PRDM6: variants seen among roughly 807,000 people sequenced by gnomAD.
The protein encoded by PRDM6 is putative histone-lysine N-methyltransferase PRDM6.
PRDM6 carries 25 observed loss-of-function variants against 60.8 expected under a neutral mutation model. That is an observed-to-expected ratio of 0.41 (90% CI 0.30 to 0.57). The LOEUF (loss-of-function observed/expected upper bound fraction) is 0.57, where lower values mean the gene tolerates loss of function less well. Among genes scored for constraint, PRDM6 ranks in the 20% least tolerant of loss-of-function variants. The pLI is 0.27. For synonymous variants in PRDM6, 407 were observed against 357.4 expected (o/e 1.14, Z -1.57); for missense variants, 839 against 821.3 (o/e 1.02, Z -0.26).
intron 5 of PRDM6, 115 bp from the exon 6 acceptor site, chr5:123,170,651 C>A: frequency 1.3e-6 from 1 of 788,308 alleles, no homozygotes; most frequent in Non-Finnish European, 2.0e-6. Context: ...AATTCTGAGT[C>A]CAGAAACACA....
chr5:123,138,817 AG>A, intron 3 of PRDM6, among the ~76,000 whole-genome samples: 1 of 152,338 alleles, frequency 6.6e-6, no homozygotes, highest in East Asian at 1.9e-4. Context: ...GAGAAGCAGC[AG>A]GGCCCTTCCT....
At position 123,193,944 on chromosome 5, in the gene PRDM6, C is replaced by G. The variant is rs1332252249; in HGVS notation, c.*6743C>G. ...TGGAGTTTGGAAAGCTTAAACAAGT[C>G]AGTTAAGAGAATGAGAAGAATCTCA... On this transcript the variant is annotated 3_prime_UTR_variant, in exon 8 of 8. Transcript: ENST00000407847. 1 of 152,060 alleles carries G rather than the reference C, an allele frequency of 6.6e-6. No homozygotes were observed. The highest frequency in any genetic ancestry group is 2.4e-5 in the African/African-American group (1 of 41,390). The allele number at this position is 152,060 out of a possible 1,614,324, so 9.4% of individuals were successfully genotyped here.
chr5:123,109,796 A>AC (rs1261012384), intron 3 of PRDM6, among the ~76,000 whole-genome samples: 1 of 152,178 alleles, frequency 6.6e-6, no homozygotes, highest in Non-Finnish European at 1.5e-5. Context: ...CAAAGAACCA[A>AC]CTTGCAAGAT....
chr5:123,099,867 A>G lies in PRDM6; in HGVS notation c.806A>G (p.Gln269Arg). 6.4e-7 allele frequency: 1 copy of G among 1,550,564 alleles called. No homozygotes were observed. The highest frequency in any genetic ancestry group is 8.7e-7 in the Non-Finnish European group (1 of 1,146,766). The change falls in exon 3 of 8, where the codon CAG becomes CGG. Residue 269 changes from glutamine (Q) to arginine (R), a missense_variant. Gln to Arg is a conservative substitution (Grantham distance 43). Coordinates refer to ENST00000407847, the MANE Select transcript of PRDM6 (RefSeq NM_001136239.4). The surrounding 1 kb of genome is among the most constrained non-coding windows in gnomAD (Gnocchi z 4.0). ...GGCATCTGCGCGGCGCAGAGGATCC[A>G]GCAAGGCACCTGGATTGGACCTTTC... ...AYGICAAQRI[Q>R]QGTWIGPFQG... is the part of the protein sequence containing the mutation.
intron 5 of PRDM6, among the ~76,000 whole-genome samples, chr5:123,164,997 C>T (rs62377008): frequency 0.22 from 34,143 of 152,048 alleles, 4,343 homozygotes; most frequent in Middle Eastern, 0.3. Flanking sequence ...AGCTCCAGAG[C>T]TGTTAAACTC....
intron 2 of PRDM6, among the ~76,000 whole-genome samples, chr5:123,091,030 G>T (rs926693148): frequency 5.3e-5 from 8 of 152,172 alleles, no homozygotes; most frequent in African/African-American, 1.7e-4. Flanking sequence ...GGGACCCTCA[G>T]CGTCTCTGGG....
intron 3 of PRDM6, among the ~76,000 whole-genome samples, chr5:123,106,049 C>T (rs1253660778): frequency 6.6e-6 from 1 of 152,212 alleles, no homozygotes; most frequent in Non-Finnish European, 1.5e-5. Context: ...TTCTTGGAGC[C>T]TGGTTGAAGG....
chr5:123,091,453 C>T (rs1763840454), intron 2 of PRDM6, among the ~76,000 whole-genome samples: 1 of 152,232 alleles, frequency 6.6e-6, no homozygotes, highest in South Asian at 2.1e-4. Flanking sequence ...AAATGCCTAA[C>T]TAAACATCAG....
intron 3 of PRDM6, among the ~76,000 whole-genome samples, chr5:123,144,792 AT>A (rs1255936173): frequency 6.6e-6 from 1 of 152,152 alleles, no homozygotes; most frequent in African/African-American, 2.4e-5. Flanking sequence ...ATCCCATAGA[AT>A]TCTCCCAGGG....
chr5:123,130,451 T>C (rs939640562), intron 3 of PRDM6, among the ~76,000 whole-genome samples: 11 of 150,980 alleles, frequency 7.3e-5, no homozygotes, highest in African/African-American at 2.7e-4. Context: ...TTTTCAAGCA[T>C]GAGGAATAAC....
chr5:123,113,744 C>G (rs1391588066), intron 3 of PRDM6, among the ~76,000 whole-genome samples: 1 of 152,146 alleles, frequency 6.6e-6, no homozygotes, highest in Non-Finnish European at 1.5e-5. Context: ...GCCTCTGGAC[C>G]CGGAGGTGAG....
At chr5:123,147,280 A>AGC (rs750049392) in intron 3 of PRDM6, among the ~76,000 whole-genome samples, 1 of 33,316 alleles carries the variant, frequency 3.0e-5, no homozygotes, top group Admixed American at 2.3e-4. Flanking sequence ...GATACTAAAA[A>AGC]GAGAGAGAGA....
chr5:123,148,680 C>A (rs1169548579), intron 3 of PRDM6, among the ~76,000 whole-genome samples: 1 of 151,416 alleles, frequency 6.6e-6, no homozygotes, highest in Non-Finnish European at 1.5e-5. Flanking sequence ...TGCATGATTG[C>A]TAGTTGTTTA....
At chr5:123,094,340 C>A (rs1284949603) in intron 2 of PRDM6, among the ~76,000 whole-genome samples, 1 of 152,114 alleles carries the variant, frequency 6.6e-6, no homozygotes, top group Non-Finnish European at 1.5e-5. Context: ...TTCTGCCCTG[C>A]GCCTCCTCTG....
At chr5:123,142,877 CAAAAAAAA>C in intron 3 of PRDM6, among the ~76,000 whole-genome samples, 8 of 27,368 alleles carry the variant, frequency 2.9e-4, no homozygotes, top group Admixed American at 2.8e-3. Flanking sequence ...CAGTGAAGAC[CAAAAAAAA>C]AAAAAAAAAA....
chr5:123,112,615 C>G (rs6862699), intron 3 of PRDM6, among the ~76,000 whole-genome samples: 56,381 of 151,892 alleles, frequency 0.37, 12,225 homozygotes, highest in African/African-American at 0.58. Flanking sequence ...ATCTTATATC[C>G]TTAGTTGTGA....
At chr5:123,162,534 T>C (rs983075592) in intron 5 of PRDM6, among the ~76,000 whole-genome samples, 1 of 152,050 alleles carries the variant, frequency 6.6e-6, no homozygotes, top group Non-Finnish European at 1.5e-5. Flanking sequence ...TGAAAGAAAA[T>C]TTGCAAAGCT....
At chr5:123,133,600 A>T (rs1171763401) in intron 3 of PRDM6, among the ~76,000 whole-genome samples, 2 of 152,104 alleles carry the variant, frequency 1.3e-5, no homozygotes, top group African/African-American at 4.8e-5. Context: ...TTAAAATACA[A>T]CCAATAGTGT....
chr5:123,093,827 GT>G (rs1763897472), intron 2 of PRDM6, among the ~76,000 whole-genome samples: 1 of 152,154 alleles, frequency 6.6e-6, no homozygotes, highest in South Asian at 2.1e-4. Context: ...CATCCCGGCT[GT>G]TCTCTCAGCA....
Sources: gnomAD v4.1 joint callset for allele counts (sites outside exome capture counted in the v4.1 genomes callset) on GRCh38, gnomAD v4.1.1 for gene constraint, Gnocchi (gnomAD v3.1) non-coding constraint, MANE v1.5 for transcripts, NCBI Gene and HGNC (gene_info 2026-07-23, HGNC 2026-07-21) for gene names.